ABCA4: variants seen among roughly 807,000 people sequenced by gnomAD.
ABCA4 encodes ATP binding cassette subfamily A member 4, also known as retinal-specific phospholipid-transporting ATPase ABCA4.
A neutral mutation model predicts 263.7 loss-of-function variants in ABCA4; 196 were observed. The observed-to-expected ratio is 0.74, with a 90% confidence interval of 0.66 to 0.84. ABCA4 has a LOEUF of 0.84. Among genes scored for constraint, ABCA4 ranks in the 40% least tolerant of loss-of-function variants. The pLI, the probability that ABCA4 is intolerant of heterozygous loss-of-function variation, is 0.00. For missense variants in ABCA4, 2,792 were observed against 2,855.1 expected (o/e 0.98, Z 0.50); for synonymous variants, 1,133 against 1,094.2 (o/e 1.04, Z -0.70).
At position 94,108,572 on chromosome 1, in the gene ABCA4, C is replaced by T; in HGVS notation, c.442+5G>A. 3 of 1,613,388 alleles carry T rather than the reference C, an allele frequency of 1.9e-6. No homozygotes were observed. The highest frequency in any genetic ancestry group is 2.5e-6 in the Non-Finnish European group (3 of 1,179,896). On this transcript the variant is annotated splice_donor_5th_base_variant and intron_variant, in intron 4 of 49. Transcript: ENST00000370225. ...GATGCTTGAGAGCACTGCAGTCATG[C>T]TTACCTGCAATTCTCTCCGGGTGAG...
chr1:94,012,198 CA>C (rs372991699), intron 38 of ABCA4, among the ~76,000 whole-genome samples: 101 of 152,352 alleles, frequency 6.6e-4, no homozygotes, highest in Non-Finnish European at 1.1e-3. Context: ...CCTGCGCCCA[CA>C]TTACCTCATC....
intron 40 of ABCA4, 148 bp from the exon 41 acceptor site, chr1:94,009,019 C>G (rs1659477135): frequency 2.6e-6 from 3 of 1,167,236 alleles, no homozygotes; most frequent in Non-Finnish European, 3.6e-6. Flanking sequence ...GGGCTCCCAG[C>G]AGGAGAGGCA....
chr1:94,032,914 A>G (rs1171230856), intron 26 of ABCA4, among the ~76,000 whole-genome samples: 2 of 152,242 alleles, frequency 1.3e-5, no homozygotes, highest in Admixed American at 6.5e-5. Context: ...ATTTTTAAAC[A>G]ACAAAATACA....
intron 6 of ABCA4, among the ~76,000 whole-genome samples, chr1:94,091,801 T>C (rs554931): frequency 0.73 from 110,656 of 152,174 alleles, 40,581 homozygotes; most frequent in East Asian, 0.82. Context: ...CTAAGGGGCC[T>C]TTAGGCCTTG....
At chr1:94,011,173 CT>C (rs1344585967) in intron 39 of ABCA4, 88 bp downstream of exon 39, 1 of 1,606,100 alleles carries the variant, frequency 6.2e-7, no homozygotes, top group African/African-American at 1.3e-5. Context: ...GCACCAGCCC[CT>C]GCCACAGTCT....
At chr1:93,996,324 C>T in intron 48 of ABCA4, 129 bp from the exon 49 acceptor site, 1 of 774,466 alleles carries the variant, frequency 1.3e-6, no homozygotes. Flanking sequence ...TTGTGTCCTA[C>T]CCGGGGGAGG....
intron 38 of ABCA4, among the ~76,000 whole-genome samples, chr1:94,012,934 G>T (rs953521958): frequency 6.6e-6 from 1 of 152,240 alleles, no homozygotes; most frequent in Non-Finnish European, 1.5e-5. Flanking sequence ...GCTGGGAGCT[G>T]GGGAGCTTCC....
At chr1:94,081,733 C>G (rs186096025) in intron 7 of ABCA4, among the ~76,000 whole-genome samples, 118 of 152,288 alleles carry the variant, frequency 7.7e-4, no homozygotes, top group African/African-American at 2.8e-3. Flanking sequence ...AGGTTGGTGG[C>G]CTTCTCTTCT....
rs147956627 is a variant in ABCA4 at position 94,107,720 on chromosome 1, C to T, written c.442+857G>A. 1.6e-3 allele frequency among the ~76,000 whole-genome samples: 250 copies of T among 152,328 alleles called. 1 individual carries two copies. The highest frequency in any genetic ancestry group is 5.7e-3 in the African/African-American group (236 of 41,574). Reference sequence around the variant, plus strand: ...TTTCCTCCTTCCCCTCACCATGCACCTGCACCTTTGCCCCACTTCACCATG... The same window carrying T: ...TTTCCTCCTTCCCCTCACCATGCACTTGCACCTTTGCCCCACTTCACCATG... On this transcript the variant is annotated intron_variant, in intron 4 of 49. Coordinates refer to ENST00000370225, the MANE Select transcript of ABCA4 (RefSeq NM_000350.3).
At position 94,015,862 on chromosome 1, in the gene ABCA4, A is replaced by G. The variant is rs1557766164; in HGVS notation, c.5197-8T>C. ...ACTCACGGAATAATTCATCTCGGAA[A>G]GAGAAGAGGAGAGCAAGTCACTTAA... On this transcript the variant is annotated splice_region_variant and splice_polypyrimidine_tract_variant and intron_variant, in intron 36 of 49. Coordinates refer to ENST00000370225, the MANE Select transcript of ABCA4 (RefSeq NM_000350.3). 1 of 1,607,726 alleles carries G rather than the reference A, an allele frequency of 6.2e-7. No homozygotes were observed. Among genetic ancestry groups the G allele is most frequent in the Non-Finnish European group, 8.5e-7 (1 of 1,176,504 alleles).
intron 11 of ABCA4, among the ~76,000 whole-genome samples, chr1:94,073,491 T>C (rs1443114104): frequency 6.6e-6 from 1 of 152,226 alleles, no homozygotes; most frequent in Non-Finnish European, 1.5e-5. Flanking sequence ...TTTTGGCTTG[T>C]ATTTTGTTAA....
intron 20 of ABCA4, among the ~76,000 whole-genome samples, chr1:94,044,104 TCC>T (rs1660602868): frequency 9.4e-5 from 1 of 10,670 alleles, no homozygotes; most frequent in African/African-American, 1.1e-4. Context: ...TTTCCTTCCT[TCC>T]TTCCTTCCTT....
Position 94,112,855 on chromosome 1 carries a change from G to A in ABCA4, c.160+118C>T, listed in dbSNP as rs1358933652. ...TGATAAATCTGTTACATGCATCATA[G>A]ACATGAAATGATGATAAGCAGATCT... On this transcript the variant is annotated intron_variant, in intron 2 of 49. Coordinates refer to ENST00000370225, the MANE Select transcript of ABCA4 (RefSeq NM_000350.3). The A allele has an allele frequency of 3.8e-6, 3 of 784,042 alleles. No individual in the cohort carries two copies. In the South Asian group the frequency reaches 4.2e-5, roughly 11 times the overall value. The allele number at this position is 784,042 out of a possible 1,614,324, so 48.6% of individuals were successfully genotyped here.
chr1:94,021,126 T>TA (rs1008267717), intron 35 of ABCA4, 114 bp downstream of exon 35: 28 of 1,458,656 alleles, frequency 1.9e-5, no homozygotes, highest in Non-Finnish European at 2.5e-5. Flanking sequence ...TGTGCCTGAC[T>TA]AAACAGCATT....
chr1:94,011,991 A>G (rs547082949), intron 38 of ABCA4, among the ~76,000 whole-genome samples: 1 of 151,742 alleles, frequency 6.6e-6, no homozygotes, highest in East Asian at 1.9e-4. Context: ...AGGGTTGGAG[A>G]CTCTCTCTGG....
chr1:94,114,679 G>A (rs1324608224), intron 1 of ABCA4, among the ~76,000 whole-genome samples: 1 of 152,092 alleles, frequency 6.6e-6, no homozygotes, highest in Non-Finnish European at 1.5e-5. Flanking sequence ...AGTAGAGACG[G>A]GGTTTCACCA....
intron 11 of ABCA4, among the ~76,000 whole-genome samples, chr1:94,065,045 G>T (rs1164984393): frequency 2.5e-4 from 38 of 152,118 alleles, no homozygotes; most frequent in Admixed American, 2.5e-3. Context: ...TTTTACTGAA[G>T]AGGAAACTGA....
chr1:94,119,669 C>T (rs984083150), intron 1 of ABCA4, among the ~76,000 whole-genome samples: 33 of 152,130 alleles, frequency 2.2e-4, no homozygotes, highest in African/African-American at 7.7e-4. Context: ...TCTCTCAGCC[C>T]TAGGGGTGGG....
At chr1:94,001,235 A>G (rs1659168365) in intron 45 of ABCA4, 130 bp from the exon 46 acceptor site, 4 of 722,138 alleles carry the variant, frequency 5.5e-6, no homozygotes, top group Non-Finnish European at 9.5e-6. Flanking sequence ...CCCTCACTTG[A>G]GCAAGACAGG....
Sources: allele counts gnomAD v4.1 joint callset (sites outside exome capture counted in the v4.1 genomes callset), GRCh38; gene constraint gnomAD v4.1.1; transcripts MANE v1.5; gene names NCBI Gene and HGNC (gene_info 2026-07-23, HGNC 2026-07-21).